ITGBL1: variants seen among roughly 807,000 people sequenced by gnomAD.
ITGBL1 encodes the protein integrin beta-like protein 1.
In ITGBL1, 51 loss-of-function variants were observed where a neutral mutation model predicts 68.5. That is an observed-to-expected ratio of 0.74 (90% CI 0.59 to 0.94). The LOEUF (loss-of-function observed/expected upper bound fraction) is 0.94, where lower values mean the gene tolerates loss of function less well. Among genes scored for constraint, ITGBL1 ranks in the 40% least tolerant of loss-of-function variants. The pLI, the probability that ITGBL1 is intolerant of heterozygous loss-of-function variation, is 0.00. For synonymous variants in ITGBL1, 209 were observed against 227.3 expected, an observed-to-expected ratio of 0.92 and a Z score of 0.72; for missense variants, 649 against 647.4, an observed-to-expected ratio of 1.00 and a Z score of -0.03.
intron 6 of ITGBL1, among the ~76,000 whole-genome samples, chr13:101,591,453 A>C (rs1411115958): frequency 6.6e-6 from 1 of 152,248 alleles, no homozygotes. Flanking sequence ...ACAAATGAGC[A>C]TCTGAATTGA....
chr13:101,662,283 C>A (rs573531641), intron 7 of ITGBL1, among the ~76,000 whole-genome samples: 1 of 152,088 alleles, frequency 6.6e-6, no homozygotes, highest in Non-Finnish European at 1.5e-5. Context: ...AGCATTTACA[C>A]GTGATTTTAA....
chr13:101,551,624 T>A (rs2049921981), intron 2 of ITGBL1, among the ~76,000 whole-genome samples: 1 of 152,214 alleles, frequency 6.6e-6, no homozygotes, highest in Non-Finnish European at 1.5e-5. Context: ...GGAGGAATCA[T>A]GAAAAGACAT....
chr13:101,706,851 C>A lies in ITGBL1; in HGVS notation c.1228C>A (p.Gln410Lys), dbSNP rs1402184877. Reference sequence around the variant, plus strand: ...GCGGAAGTGTAACATGACGGAAGAACAAAGCAAGAATCTGTGTGAATCAGC... The same window carrying A: ...GCGGAAGTGTAACATGACGGAAGAAAAAAGCAAGAATCTGTGTGAATCAGC... ...HPRKCNMTEE[Q>K]SKNLCESADG... Residue 410 changes from glutamine (Q) to lysine (K), a missense_variant, in exon 9 of 11, where the codon CAA (glutamine) becomes AAA (lysine). Transcript: ENST00000376180. The A allele has an allele frequency of 6.2e-7, 1 of 1,614,128 alleles. No homozygotes were observed. Among genetic ancestry groups the A allele is most frequent in the South Asian group, 1.1e-5 (1 of 91,078 alleles).
rs187832964 is a variant in ITGBL1, at chr13:101,523,671, T to C, written c.317-44028T>C. On this transcript the variant is annotated intron_variant, in intron 2 of 10. Coordinates refer to ENST00000376180, the MANE Select transcript of ITGBL1 (RefSeq NM_004791.3). ...TTTATGTTGTTCACATTTAAGATGATTTATTTTTATTCACTTGACAACACT... is the reference window on the plus strand; with the variant it reads ...TTTATGTTGTTCACATTTAAGATGACTTATTTTTATTCACTTGACAACACT... Among the ~76,000 whole-genome samples, 3 of 152,302 alleles carry C rather than the reference T, an allele frequency of 2.0e-5. No individual in the cohort carries two copies. The East Asian group carries it at 5.8e-4, about 29-fold the overall frequency.
intron 2 of ITGBL1, among the ~76,000 whole-genome samples, chr13:101,532,690 CAA>C (rs2049504970): frequency 6.6e-6 from 1 of 152,150 alleles, no homozygotes; most frequent in Admixed American, 6.5e-5. Context: ...CATTGCCTTG[CAA>C]AGTCTTTTTT....
chr13:101,666,792 G>C (rs992604007), intron 7 of ITGBL1, among the ~76,000 whole-genome samples: 1 of 152,096 alleles, frequency 6.6e-6, no homozygotes, highest in East Asian at 1.9e-4. Context: ...TTAATAATAA[G>C]AGCCTCAGAG....
intron 7 of ITGBL1, among the ~76,000 whole-genome samples, chr13:101,656,133 G>A (rs2032916358): frequency 1.3e-5 from 2 of 152,156 alleles, no homozygotes; most frequent in African/African-American, 4.8e-5. Context: ...CTGAAGACCT[G>A]GGATATATAG....
At chr13:101,698,443 T>C (rs2034053218) in intron 8 of ITGBL1, among the ~76,000 whole-genome samples, 1 of 152,220 alleles carries the variant, frequency 6.6e-6, no homozygotes, top group Non-Finnish European at 1.5e-5. Context: ...AATTTCATAA[T>C]TTTTACAGTT....
intron 8 of ITGBL1, among the ~76,000 whole-genome samples, chr13:101,705,307 A>AAAAAAAAC (rs1555367877): frequency 6.9e-6 from 1 of 144,954 alleles, no homozygotes; most frequent in African/African-American, 2.7e-5. Flanking sequence ...AAAAAAAAAA[A>AAAAAAAAC]AACAACAACA....
intron 7 of ITGBL1, among the ~76,000 whole-genome samples, chr13:101,680,998 C>T (rs545975494): frequency 1.2e-4 from 18 of 152,270 alleles, no homozygotes; most frequent in African/African-American, 4.1e-4. Flanking sequence ...TGTGCACGTG[C>T]ATTTTACCTT....
At chr13:101,679,621 G>C (rs1440113989) in intron 7 of ITGBL1, among the ~76,000 whole-genome samples, 2 of 152,190 alleles carry the variant, frequency 1.3e-5, no homozygotes, top group African/African-American at 4.8e-5. Flanking sequence ...CTGTCACTCA[G>C]TTTCAGAATT....
intron 6 of ITGBL1, among the ~76,000 whole-genome samples, chr13:101,587,915 T>C (rs947851948): frequency 6.6e-6 from 1 of 152,236 alleles, no homozygotes; most frequent in African/African-American, 2.4e-5. Context: ...TTCATGTTAC[T>C]TTGTAAACAT....
chr13:101,692,543 G>A (rs199603763), intron 7 of ITGBL1, 42 bp from the exon 8 acceptor site: 237 of 1,333,696 alleles, frequency 1.8e-4, no homozygotes, highest in Middle Eastern at 1.9e-4. Flanking sequence ...TAGTGATTCC[G>A]GGACTCTCCT....
chr13:101,568,149 A>G (rs550002840), intron 3 of ITGBL1, among the ~76,000 whole-genome samples: 1 of 152,280 alleles, frequency 6.6e-6, no homozygotes, highest in African/African-American at 2.4e-5. Context: ...CATCTGTTAA[A>G]AAGGATTTAT....
At chr13:101,685,911 C>T (rs117484377) in intron 7 of ITGBL1, among the ~76,000 whole-genome samples, 1 of 151,982 alleles carries the variant, frequency 6.6e-6, no homozygotes, top group South Asian at 2.1e-4. Flanking sequence ...CCCAAAAGGG[C>T]AGGGTCAACT....
rs189623495 is a variant in ITGBL1 at position 101,554,456 on chromosome 13, C to T, written c.317-13243C>T. On this transcript the variant is annotated intron_variant, in intron 2 of 10. Coordinates refer to ENST00000376180, the MANE Select transcript of ITGBL1 (RefSeq NM_004791.3). ...CTTACACGATGACATCTGTATTTGCCATGTGGTCAATGGTGGGCAGTCCTT... is the reference window on the plus strand; with the variant it reads ...CTTACACGATGACATCTGTATTTGCTATGTGGTCAATGGTGGGCAGTCCTT... 1.6e-3 allele frequency among the ~76,000 whole-genome samples: 240 copies of T among 152,310 alleles called. 2 individuals are homozygous for T. Among genetic ancestry groups the T allele is most frequent in the Non-Finnish European group, 2.4e-3 (164 of 68,024 alleles).
rs553565091 is a variant in ITGBL1, at chr13:101,585,244, A to T, written c.868+1888A>T. 7.9e-5 allele frequency among the ~76,000 whole-genome samples: 12 copies of T among 152,262 alleles called. No homozygotes were observed. In the South Asian group the frequency reaches 2.5e-3, roughly 32 times the overall value. ...CCATTTACTGAAATAGGGAATATGG[A>T]AGGAAGCTGTCAAGTTTGTTTCTAG... On this transcript the variant is annotated intron_variant, in intron 6 of 10. Transcript: ENST00000376180.
At chr13:101,482,235 G>A (rs1255846165) in intron 2 of ITGBL1, among the ~76,000 whole-genome samples, 1 of 152,068 alleles carries the variant, frequency 6.6e-6, no homozygotes, top group African/African-American at 2.4e-5. Context: ...CCCTTTAGGT[G>A]TGGGTTAGCC....
chr13:101,714,767 T>C (rs1465434629), intron 10 of ITGBL1: 1 of 536,678 alleles, frequency 1.9e-6, no homozygotes, highest in Non-Finnish European at 3.3e-6. Context: ...AGCTAAATTT[T>C]GTGATTATTT....
Sources: allele counts gnomAD v4.1 joint callset (sites outside exome capture counted in the v4.1 genomes callset), GRCh38; gene constraint gnomAD v4.1.1; transcripts MANE v1.5; gene names NCBI Gene and HGNC (gene_info 2026-07-23, HGNC 2026-07-21).